Variants in DPYD observed in about 807,000 individuals in gnomAD.
The protein encoded by DPYD is dihydropyrimidine dehydrogenase [NADP(+)].
In DPYD, 109 loss-of-function variants were observed where a neutral mutation model predicts 116.2. The ratio of observed to expected loss-of-function variants is 0.94; its 90% CI spans 0.80 to 1.10. DPYD has a LOEUF of 1.10. Ranked by LOEUF, DPYD falls within the 50% of genes least tolerant of loss-of-function variation. The pLI, the probability that DPYD is intolerant of heterozygous loss-of-function variation, is 0.00. For missense variants in DPYD, 1,302 were observed against 1,254.5 expected, an observed-to-expected ratio of 1.04 and a Z score of -0.57; for synonymous variants, 440 against 432.0, an observed-to-expected ratio of 1.02 and a Z score of -0.23.
chr1:97,293,044 T>C (rs1280292269), intron 18 of DPYD, among the ~76,000 whole-genome samples: 1 of 152,192 alleles, frequency 6.6e-6, no homozygotes, highest in Non-Finnish European at 1.5e-5. Context: ...GAAAAGTACA[T>C]ATGTTTCTTT....
At chr1:97,238,835 A>C (rs1662127492) in intron 18 of DPYD, among the ~76,000 whole-genome samples, 1 of 152,138 alleles carries the variant, frequency 6.6e-6, no homozygotes, top group Non-Finnish European at 1.5e-5. Flanking sequence ...GGTAACATGC[A>C]ATTTAAATTA....
intron 18 of DPYD, among the ~76,000 whole-genome samples, chr1:97,243,031 T>C (rs1352484953): frequency 6.6e-6 from 1 of 151,924 alleles, no homozygotes; most frequent in Admixed American, 6.6e-5. Context: ...TATAATTAAT[T>C]TATTGTAAAT....
chr1:97,490,218 T>G (rs1399495373), intron 13 of DPYD, among the ~76,000 whole-genome samples: 1 of 151,730 alleles, frequency 6.6e-6, no homozygotes, highest in Non-Finnish European at 1.5e-5. Context: ...TTCCTTATAG[T>G]AGAAATCTCA....
intron 8 of DPYD, among the ~76,000 whole-genome samples, chr1:97,624,030 A>G (rs1449628737): frequency 4.6e-5 from 7 of 152,090 alleles, no homozygotes; most frequent in Admixed American, 4.6e-4. Flanking sequence ...TTGCCAGAAG[A>G]AAGGATAGGA....
chr1:97,153,973 C>CAAAAAA (rs60741755), intron 20 of DPYD, among the ~76,000 whole-genome samples: 1 of 126,224 alleles, frequency 7.9e-6, no homozygotes, highest in African/African-American at 2.8e-5. Context: ...TGGCCATGAT[C>CAAAAAA]AAAAAAAAAA....
At chr1:97,276,363 A>C (rs775698599) in intron 18 of DPYD, among the ~76,000 whole-genome samples, 12 of 152,190 alleles carry the variant, frequency 7.9e-5, no homozygotes, top group African/African-American at 2.4e-5. Flanking sequence ...CAGCTTAAAC[A>C]GAGAGCCTAC....
At chr1:97,844,929 C>T (rs1022935019) in intron 2 of DPYD, among the ~76,000 whole-genome samples, 1 of 152,262 alleles carries the variant, frequency 6.6e-6, no homozygotes, top group African/African-American at 2.4e-5. Context: ...GCTGTCGCAA[C>T]CTGGCTGGGT....
At chr1:97,253,984 C>T (rs1663276578) in intron 18 of DPYD, among the ~76,000 whole-genome samples, 1 of 152,054 alleles carries the variant, frequency 6.6e-6, no homozygotes, top group African/African-American at 2.4e-5. Context: ...ATAACAATAA[C>T]TATCCTTTGT....
chr1:97,433,575 T>C (rs1022517645), intron 14 of DPYD, among the ~76,000 whole-genome samples: 9 of 152,148 alleles, frequency 5.9e-5, no homozygotes, highest in African/African-American at 1.7e-4. Context: ...TTGTTATGGT[T>C]ATTAGGGTAG....
intron 8 of DPYD, among the ~76,000 whole-genome samples, chr1:97,641,928 A>T (rs977523160): frequency 6.6e-6 from 1 of 152,232 alleles, no homozygotes; most frequent in African/African-American, 2.4e-5. Context: ...TCAATGTGCA[A>T]AAATCACAAG....
At chr1:97,820,465 C>A (rs1668864044) in intron 3 of DPYD, among the ~76,000 whole-genome samples, 1 of 152,100 alleles carries the variant, frequency 6.6e-6, no homozygotes, top group South Asian at 2.1e-4. Flanking sequence ...GCAATTTTAA[C>A]CTTTTGACTC....
intron 10 of DPYD, 42 bp from the exon 11 acceptor site, chr1:97,574,012 T>C: frequency 6.2e-7 from 1 of 1,605,456 alleles, no homozygotes; most frequent in Non-Finnish European, 8.5e-7. Context: ...AAAATGTTTC[T>C]TATTCCACAC....
intron 20 of DPYD, among the ~76,000 whole-genome samples, chr1:97,164,135 T>C (rs544035927): frequency 2.0e-5 from 3 of 152,254 alleles, no homozygotes; most frequent in Admixed American, 6.5e-5. Context: ...TGTAAATCAA[T>C]AAATGTGATT....
chr1:97,902,135 AT>A (rs567695621), intron 1 of DPYD, among the ~76,000 whole-genome samples: 53 of 151,864 alleles, frequency 3.5e-4, no homozygotes, highest in African/African-American at 1.1e-3. Flanking sequence ...GAGACTTGCA[AT>A]AAATTGAATT....
chr1:97,852,666 TG>T (rs1670632288), intron 2 of DPYD, among the ~76,000 whole-genome samples: 1 of 152,166 alleles, frequency 6.6e-6, no homozygotes, highest in Non-Finnish European at 1.5e-5. Context: ...TCAACTGATC[TG>T]ATGCTCATAT....
chr1:97,183,999 T>C (rs1267593832), intron 20 of DPYD, among the ~76,000 whole-genome samples: 3 of 152,140 alleles, frequency 2.0e-5, no homozygotes, highest in African/African-American at 7.2e-5. Context: ...CTCCCACTTA[T>C]GAGTGACAAA....
intron 18 of DPYD, among the ~76,000 whole-genome samples, chr1:97,255,832 C>G (rs1017863004): frequency 1.3e-5 from 2 of 151,616 alleles, no homozygotes; most frequent in African/African-American, 4.8e-5. Flanking sequence ...CGTTCCTTAT[C>G]CCTATGCTAG....
At chr1:97,087,737 G>A (rs1649615986) in intron 21 of DPYD, among the ~76,000 whole-genome samples, 1 of 152,124 alleles carries the variant, frequency 6.6e-6, no homozygotes, top group Non-Finnish European at 1.5e-5. Flanking sequence ...GAAGGTAAGT[G>A]TATTTCTACA....
chr1:97,732,573 GATA>G (rs571849603), intron 4 of DPYD, among the ~76,000 whole-genome samples: 4 of 151,252 alleles, frequency 2.6e-5, no homozygotes, highest in Non-Finnish European at 5.9e-5. Context: ...TGACTCAATA[GATA>G]ATGTTATATC....
Sources: allele counts gnomAD v4.1 joint callset (sites outside exome capture counted in the v4.1 genomes callset), GRCh38; gene constraint gnomAD v4.1.1; transcripts MANE v1.5; gene names NCBI Gene and HGNC (gene_info 2026-07-23, HGNC 2026-07-21).